Variants in CADM2 observed in about 807,000 individuals in gnomAD.
The protein encoded by CADM2 is immunoglobulin superfamily member 4D.
CADM2 carries 12 observed loss-of-function variants against 49.8 expected under a neutral mutation model. The ratio of observed to expected loss-of-function variants is 0.24; its 90% confidence interval spans 0.15 to 0.39. CADM2 has a LOEUF of 0.39. Ranked by LOEUF, CADM2 falls within the 10% of genes least tolerant of loss-of-function variation. The pLI is 1.00. For missense variants in CADM2, 378 were observed against 492.3 expected (o/e 0.77, Z 2.20); for synonymous variants, 214 against 175.4 (o/e 1.22, Z -1.74).
At chr3:85,175,919 C>CT (rs11329456) in intron 1 of CADM2, among the ~76,000 whole-genome samples, 790 of 76,260 alleles carry the variant, frequency 0.01, 82 homozygotes, top group Middle Eastern at 0.02. Context: ...ATGTCCTAAT[C>CT]TTTTTTTTTT....
At chr3:85,212,812 C>CTTTCTTTCTTTCTTTCTTTCTT (rs1275410284) in intron 1 of CADM2, among the ~76,000 whole-genome samples, 4 of 102,542 alleles carry the variant, frequency 3.9e-5, no homozygotes, top group African/African-American at 1.5e-4. Context: ...TCTTTTTCTT[C>CTTTCTTTCTTTCTTTCTTTCTT]TCTTTCTTTC....
intron 1 of CADM2, among the ~76,000 whole-genome samples, chr3:85,567,364 T>G (rs2062296797): frequency 6.6e-6 from 1 of 152,188 alleles, no homozygotes. Context: ...ATTTTCTTAC[T>G]TCTTTCAATG....
chr3:85,682,132 G>A lies in CADM2; in HGVS notation c.62-44390G>A, dbSNP rs116218673. Among the ~76,000 whole-genome samples the A allele has an allele frequency of 1.4e-3, 217 of 152,146 alleles. 1 individual carries two copies. The highest frequency in any genetic ancestry group is 4.9e-3 in the African/African-American group (203 of 41,520). ...CTAAAGCTCAGCTGAAAAATTAAAC[G>A]ATACAGCTAAAAGTCATAGTTGGCC... On this transcript the variant is annotated intron_variant, in intron 1 of 9. Coordinates refer to ENST00000383699, the MANE Select transcript of CADM2 (RefSeq NM_001167675.2).
chr3:85,317,402 A>G (rs1375459583), intron 1 of CADM2, among the ~76,000 whole-genome samples: 1 of 152,176 alleles, frequency 6.6e-6, no homozygotes, highest in East Asian at 1.9e-4. Context: ...GACTTACAAT[A>G]ATAATGTGTA....
intron 1 of CADM2, among the ~76,000 whole-genome samples, chr3:85,391,262 G>T (rs900431078): frequency 2.0e-5 from 3 of 151,944 alleles, no homozygotes; most frequent in Admixed American, 6.6e-5. Context: ...AGAAATAAAA[G>T]ACTAAAACAG....
chr3:85,767,791 C>A (rs2069731343), intron 2 of CADM2, among the ~76,000 whole-genome samples: 2 of 152,084 alleles, frequency 1.3e-5, no homozygotes, highest in African/African-American at 4.8e-5. Flanking sequence ...GATGCACATA[C>A]CTCCATCTCT....
chr3:85,902,658 G>A (rs1336660270), intron 5 of CADM2, among the ~76,000 whole-genome samples: 2 of 151,216 alleles, frequency 1.3e-5, no homozygotes, highest in African/African-American at 2.4e-5. Flanking sequence ...TATGCTATAT[G>A]AAGTAAATAT....
At position 85,552,571 on chromosome 3, in the gene CADM2, G is replaced by A. The variant is rs202080202; in HGVS notation, c.62-173951G>A. Reference sequence around the variant, plus strand: ...AATTTTTTGTATGTTTAGTAGAGACGGGTTTTCACCGTGTTAGCCAGGATG... The same window carrying A: ...AATTTTTTGTATGTTTAGTAGAGACAGGTTTTCACCGTGTTAGCCAGGATG... On this transcript the variant is annotated intron_variant, in intron 1 of 9. Coordinates refer to ENST00000383699, the MANE Select transcript of CADM2 (RefSeq NM_001167675.2). 1.5e-3 allele frequency among the ~76,000 whole-genome samples: 227 copies of A among 151,446 alleles called. 1 individual carries two copies. The highest frequency in any genetic ancestry group is 6.4e-3 in the East Asian group (33 of 5,126).
At chr3:85,894,381 G>T (rs1714919368) in intron 5 of CADM2, among the ~76,000 whole-genome samples, 1 of 152,008 alleles carries the variant, frequency 6.6e-6, no homozygotes, top group African/African-American at 2.4e-5. Flanking sequence ...AGCATTAGGA[G>T]ATATACCTAA....
chr3:85,234,604 G>T (rs1219760834), intron 1 of CADM2, among the ~76,000 whole-genome samples: 1 of 152,088 alleles, frequency 6.6e-6, no homozygotes, highest in Non-Finnish European at 1.5e-5. Flanking sequence ...TGTATATCAA[G>T]AATCAAATCT....
chr3:85,378,324 A>G (rs2033710625), intron 1 of CADM2, among the ~76,000 whole-genome samples: 1 of 151,950 alleles, frequency 6.6e-6, no homozygotes, highest in African/African-American at 2.4e-5. Context: ...TGGCACCTAA[A>G]TATCTTTATT....
At chr3:85,101,493 A>G (rs2038011313) in intron 1 of CADM2, among the ~76,000 whole-genome samples, 1 of 152,122 alleles carries the variant, frequency 6.6e-6, no homozygotes. Flanking sequence ...TAAATACCTA[A>G]AATTTCTTGA....
intron 1 of CADM2, among the ~76,000 whole-genome samples, chr3:85,071,106 A>G (rs1474869815): frequency 6.6e-6 from 1 of 152,016 alleles, no homozygotes; most frequent in Non-Finnish European, 1.5e-5. Flanking sequence ...ATGTTAAATA[A>G]TTAACAAATA....
At chr3:85,276,960 C>T (rs1306346111) in intron 1 of CADM2, among the ~76,000 whole-genome samples, 1 of 150,684 alleles carries the variant, frequency 6.6e-6, no homozygotes, top group East Asian at 1.9e-4. Context: ...ATGTATAAAT[C>T]CTTTGAAAAA....
At chr3:85,019,381 G>A (rs112769811) in intron 1 of CADM2, among the ~76,000 whole-genome samples, 35 of 152,226 alleles carry the variant, frequency 2.3e-4, no homozygotes, top group African/African-American at 7.9e-4. Context: ...AACTCGGGAG[G>A]CTGAGCTGAG....
chr3:85,603,005 C>T (rs1253327562), intron 1 of CADM2, among the ~76,000 whole-genome samples: 1 of 151,804 alleles, frequency 6.6e-6, no homozygotes, highest in Admixed American at 6.6e-5. Context: ...AGCAAACCCC[C>T]TATGTACACC....
intron 5 of CADM2, among the ~76,000 whole-genome samples, chr3:85,887,230 G>T (rs1713791956): frequency 6.6e-6 from 1 of 152,070 alleles, no homozygotes; most frequent in African/African-American, 2.4e-5. Context: ...GGGAATACAG[G>T]CATGCACGAC....
At chr3:85,254,272 T>G (rs773502425) in intron 1 of CADM2, among the ~76,000 whole-genome samples, 1 of 152,058 alleles carries the variant, frequency 6.6e-6, no homozygotes, top group Non-Finnish European at 1.5e-5. Context: ...GGAGTTTCCA[T>G]GCCCTGTCTA....
chr3:85,588,539 T>C (rs1265273961), intron 1 of CADM2, among the ~76,000 whole-genome samples: 1 of 152,092 alleles, frequency 6.6e-6, no homozygotes, highest in Non-Finnish European at 1.5e-5. Context: ...TTTCATCTGA[T>C]TTGAGATGTG....
Sources: allele counts gnomAD v4.1 joint callset (sites outside exome capture counted in the v4.1 genomes callset), GRCh38; gene constraint gnomAD v4.1.1; transcripts MANE v1.5; gene names NCBI Gene and HGNC (gene_info 2026-07-23, HGNC 2026-07-21).